Variants in GPC6 observed in about 807,000 individuals in gnomAD.
The protein encoded by GPC6 is glypican 6, also known as glypican-6.
GPC6 carries 14 observed loss-of-function variants against 55.2 expected under a neutral mutation model. The ratio of observed to expected loss-of-function variants is 0.25; its 90% confidence interval spans 0.17 to 0.40. The LOEUF (loss-of-function observed/expected upper bound fraction) is 0.40, where lower values mean the gene tolerates loss of function less well. Among genes scored for constraint, GPC6 ranks in the 10% least tolerant of loss-of-function variants. GPC6 has a pLI of 1.00. For synonymous variants in GPC6, 278 were observed against 259.6 expected, an observed-to-expected ratio of 1.07 and a Z score of -0.68; for missense variants, 641 against 708.5, an observed-to-expected ratio of 0.90 and a Z score of 1.08.
chr13:94,241,907 G>A lies in GPC6; in HGVS notation c.878-44442G>A, dbSNP rs1891064347. On this transcript the variant is annotated intron_variant, in intron 4 of 8. Transcript: ENST00000377047. ...GAATTTCTTTTTTTTTCTTTTTAAT[G>A]TATTTTTATTCTTTTTTTATTATTA... Among the ~76,000 whole-genome samples, 3 of 151,470 alleles carry A rather than the reference G, an allele frequency of 2.0e-5. No individual in the cohort carries two copies. In the South Asian group the frequency reaches 6.3e-4, roughly 32 times the overall value.
At chr13:94,243,304 T>C (rs1278399042) in intron 4 of GPC6, among the ~76,000 whole-genome samples, 1 of 152,080 alleles carries the variant, frequency 6.6e-6, no homozygotes, top group Admixed American at 6.6e-5. Flanking sequence ...TAAAATTATG[T>C]ACATTCTCAG....
intron 4 of GPC6, among the ~76,000 whole-genome samples, chr13:94,126,209 A>G (rs879838653): frequency 1.1e-4 from 16 of 151,876 alleles, no homozygotes; most frequent in Admixed American, 6.6e-5. Flanking sequence ...GCAAGATCCC[A>G]TCTCTACAAA....
intron 1 of GPC6, among the ~76,000 whole-genome samples, chr13:93,424,184 C>T (rs562823026): frequency 6.6e-6 from 1 of 152,188 alleles, no homozygotes; most frequent in South Asian, 2.1e-4. Context: ...AAAAGTTGAG[C>T]TTTGCTATAG....
At chr13:94,302,594 A>T (rs1360170158) in intron 5 of GPC6, among the ~76,000 whole-genome samples, 4 of 152,076 alleles carry the variant, frequency 2.6e-5, no homozygotes, top group African/African-American at 9.7e-5. Flanking sequence ...TAAGACTAAT[A>T]CAAAAGTTTT....
intron 6 of GPC6, among the ~76,000 whole-genome samples, chr13:94,325,414 T>C (rs9301952): frequency 0.74 from 112,378 of 152,108 alleles, 41,819 homozygotes; most frequent in East Asian, 1. Context: ...CAACTATGCA[T>C]CTGAGTTTGC....
chr13:93,316,464 C>T (rs1401468774), intron 1 of GPC6, among the ~76,000 whole-genome samples: 1 of 151,910 alleles, frequency 6.6e-6, no homozygotes, highest in Non-Finnish European at 1.5e-5. Context: ...CAGGAGAACA[C>T]ATGAACAAAT....
chr13:94,012,395 A>G (rs1158058273), intron 3 of GPC6, among the ~76,000 whole-genome samples: 1 of 152,202 alleles, frequency 6.6e-6, no homozygotes, highest in Non-Finnish European at 1.5e-5. Context: ...CTCATCAGGA[A>G]TTAGAATCAC....
chr13:93,644,374 G>T (rs1179541265), intron 2 of GPC6, among the ~76,000 whole-genome samples: 1 of 152,038 alleles, frequency 6.6e-6, no homozygotes. Context: ...GAAATAGTCA[G>T]ATATGTGTAC....
chr13:93,912,079 C>G (rs1443730202), intron 3 of GPC6, among the ~76,000 whole-genome samples: 1 of 151,802 alleles, frequency 6.6e-6, no homozygotes, highest in Non-Finnish European at 1.5e-5. Flanking sequence ...AGAGACAGCC[C>G]GTGAATGATT....
chr13:94,365,145 A>T (rs1236995772), intron 6 of GPC6, among the ~76,000 whole-genome samples: 1 of 152,190 alleles, frequency 6.6e-6, no homozygotes, highest in Non-Finnish European at 1.5e-5. Context: ...TGAATAGGCA[A>T]ATCTTTATGG....
intron 2 of GPC6, among the ~76,000 whole-genome samples, chr13:93,594,299 C>A (rs1877629683): frequency 6.6e-6 from 1 of 151,896 alleles, no homozygotes; most frequent in African/African-American, 2.4e-5. Context: ...AGTTATTTTT[C>A]CTGATCCTCT....
chr13:93,772,298 AC>A, intron 2 of GPC6, among the ~76,000 whole-genome samples: 1 of 152,188 alleles, frequency 6.6e-6, no homozygotes. Context: ...AAAACACATC[AC>A]CCTCTGTCAG....
intron 3 of GPC6, among the ~76,000 whole-genome samples, chr13:93,889,122 A>G (rs1875511640): frequency 6.6e-6 from 1 of 152,070 alleles, no homozygotes; most frequent in Non-Finnish European, 1.5e-5. Context: ...TATATGGTTG[A>G]TATGTCTAGA....
intron 4 of GPC6, among the ~76,000 whole-genome samples, chr13:94,272,093 T>C (rs540883771): frequency 2.3e-4 from 35 of 152,216 alleles, no homozygotes; most frequent in Non-Finnish European, 4.9e-4. Flanking sequence ...AATATATATA[T>C]CTTTTCAATA....
intron 1 of GPC6, among the ~76,000 whole-genome samples, chr13:93,283,686 A>G (rs570122803): frequency 6.6e-6 from 1 of 152,366 alleles, no homozygotes; most frequent in East Asian, 1.9e-4. Context: ...ATAACAGACT[A>G]CAGATCACTT....
At chr13:93,494,370 T>G (rs1401087928) in intron 1 of GPC6, among the ~76,000 whole-genome samples, 9 of 147,536 alleles carry the variant, frequency 6.1e-5, no homozygotes, top group African/African-American at 1.2e-4. Flanking sequence ...GTTTTCCATT[T>G]GCTTGGTAGA....
chr13:93,404,671 TG>T (rs1566339375), intron 1 of GPC6, among the ~76,000 whole-genome samples: 1 of 152,186 alleles, frequency 6.6e-6, no homozygotes, highest in African/African-American at 2.4e-5. Flanking sequence ...GGAAAAATTT[TG>T]GGATTTCCCA....
At chr13:93,676,613 A>G (rs571305479) in intron 2 of GPC6, among the ~76,000 whole-genome samples, 1 of 152,106 alleles carries the variant, frequency 6.6e-6, no homozygotes, top group East Asian at 1.9e-4. Context: ...TAGATGATAA[A>G]CTTCATAAAC....
At chr13:93,653,644 A>AAT (rs1880524213) in intron 2 of GPC6, among the ~76,000 whole-genome samples, 1 of 150,348 alleles carries the variant, frequency 6.7e-6, no homozygotes, top group South Asian at 2.1e-4. Flanking sequence ...ACTTAAAAAA[A>AAT]ATATATATTT....
Sources: allele counts gnomAD v4.1 joint callset (sites outside exome capture counted in the v4.1 genomes callset), GRCh38; gene constraint gnomAD v4.1.1; transcripts MANE v1.5; gene names NCBI Gene and HGNC (gene_info 2026-07-23, HGNC 2026-07-21).